The following EIF4G3 variants were observed in gnomAD, a reference collection of about 807,000 sequenced individuals.
The protein encoded by EIF4G3 is eukaryotic translation initiation factor 4 gamma 3, also known as eIF-4-gamma 3.
EIF4G3 carries 34 observed loss-of-function variants against 186.4 expected under a neutral mutation model. The observed-to-expected ratio is 0.18, with a 90% confidence interval of 0.14 to 0.24. The LOEUF (loss-of-function observed/expected upper bound fraction) is 0.24. Among genes scored for constraint, EIF4G3 ranks in the 10% least tolerant of loss-of-function variants. The probability of loss-of-function intolerance (pLI) is 1.00; values close to 1 mark genes in which losing one functional copy is unlikely to be tolerated. For synonymous variants in EIF4G3, 673 were observed against 679.5 expected (o/e 0.99, Z 0.15); for missense variants, 1,536 against 1,948.5 (o/e 0.79, Z 3.99).
chr1:20,980,385 G>C lies in EIF4G3; in HGVS notation c.442C>G (p.Pro148Ala). 5.2e-6 allele frequency: 8 copies of C among 1,548,654 alleles called. No individual in the cohort carries two copies. Among genetic ancestry groups the C allele is most frequent in the Non-Finnish European group, 6.9e-6 (8 of 1,158,776 alleles). ...PQQYPVQPPG[P>A]GPFYPGPGPG... ...CCTGGTCCAGGATAAAAAGGACCTG[G>C]CCCCGGTGGTTGAACTGGATATTGT... is the stretch of plus-strand genomic sequence containing the variant. The change falls in exon 10 of 37, where the codon CCA (proline) becomes GCA (alanine). Residue 148 changes from proline to alanine, a missense_variant. Around this residue, in one of 11 missense-constraint regions of EIF4G3, gnomAD observed 194 missense variants for 212.8 expected, o/e 0.91. Coordinates refer to ENST00000602326, the MANE Select transcript of EIF4G3 (RefSeq NM_001391906.1).
intron 3 of EIF4G3, among the ~76,000 whole-genome samples, chr1:21,080,274 C>T (rs574979444): frequency 1.9e-4 from 28 of 150,570 alleles, no homozygotes; most frequent in Non-Finnish European, 3.1e-4. Context: ...CATGATCGTG[C>T]GACTGCACTC....
intron 3 of EIF4G3, among the ~76,000 whole-genome samples, chr1:21,085,437 T>C (rs1368377820): frequency 6.6e-6 from 1 of 152,176 alleles, no homozygotes; most frequent in Non-Finnish European, 1.5e-5. Flanking sequence ...TTTGCTCTAC[T>C]GTCCAGGCTG....
At chr1:20,880,269 A>G (rs1172327122) in intron 19 of EIF4G3, among the ~76,000 whole-genome samples, 1 of 152,246 alleles carries the variant, frequency 6.6e-6, no homozygotes, top group Admixed American at 6.5e-5. Flanking sequence ...CAGAGAAGAT[A>G]TAATTGTCTA....
chr1:21,130,216 C>CTTTTTTTT lies in EIF4G3; in HGVS notation c.-271-41011_-271-41004dup, dbSNP rs71014159. ...CTGGGCAACACAGGAGACCCCATCT[C>CTTTTTTTT]TTTTTTTTTTTTTTTTTTTTTTTTT... On this transcript the variant is annotated intron_variant, in intron 2 of 36. Transcript: ENST00000602326. 4.0e-5 allele frequency among the ~76,000 whole-genome samples: 3 copies of CTTTTTTTT among 75,344 alleles called. 1 individual carries two copies. Among genetic ancestry groups the CTTTTTTTT allele is most frequent in the Admixed American group, 1.9e-4 (1 of 5,248 alleles). 49.4% of individuals were successfully genotyped at this position (75,344 alleles called of 152,430 possible). A position where few individuals can be genotyped will look rare whatever the true frequency, so the allele number is the denominator to read the frequency against.
At chr1:20,825,647 T>C (rs2063421993) in intron 32 of EIF4G3, among the ~76,000 whole-genome samples, 1 of 152,176 alleles carries the variant, frequency 6.6e-6, no homozygotes, top group Non-Finnish European at 1.5e-5. Context: ...TCAAAAAAAG[T>C]CCAATACACA....
intron 7 of EIF4G3, among the ~76,000 whole-genome samples, chr1:20,991,270 T>A (rs1025243749): frequency 2.0e-5 from 3 of 152,176 alleles, no homozygotes; most frequent in Non-Finnish European, 4.4e-5. Context: ...CTACTTGTAC[T>A]AAAAATTCAG....
At chr1:21,033,623 T>C (rs2092930118) in intron 4 of EIF4G3, among the ~76,000 whole-genome samples, 1 of 152,222 alleles carries the variant, frequency 6.6e-6, no homozygotes. Flanking sequence ...TAGTAAGTGA[T>C]AGAACTGTGA....
At chr1:20,873,138 C>T (rs989046660) in intron 20 of EIF4G3, among the ~76,000 whole-genome samples, 1 of 152,174 alleles carries the variant, frequency 6.6e-6, no homozygotes, top group Non-Finnish European at 1.5e-5. Flanking sequence ...CATTAAATAA[C>T]AAATCATGTA....
chr1:20,938,294 C>A (rs1272000575), intron 14 of EIF4G3, among the ~76,000 whole-genome samples: 3 of 152,308 alleles, frequency 2.0e-5, no homozygotes, highest in African/African-American at 7.2e-5. Context: ...CGCGCCCGGC[C>A]TCAACTGATG....
chr1:21,080,865 T>G, intron 3 of EIF4G3, among the ~76,000 whole-genome samples: 1 of 152,152 alleles, frequency 6.6e-6, no homozygotes, highest in East Asian at 1.9e-4. Flanking sequence ...GAATATAAAT[T>G]TCTCCTTCTT....
At position 20,806,735 on chromosome 1, in the gene EIF4G3, A is replaced by G. The variant is rs2058172188; in HGVS notation, c.*584T>C. 6.6e-6 allele frequency: 1 copy of G among 150,458 alleles called. No individual in the cohort carries two copies. The highest frequency in any genetic ancestry group is 1.5e-5 in the Non-Finnish European group (1 of 67,650). The allele number at this position is 150,458 out of a possible 1,614,324, so 9.3% of individuals were successfully genotyped here. ...CAATGTTATGTATGTTTTGATTACT[A>G]TTGTGATTTTTTAAATTTTCTGAAG... On this transcript the variant is annotated 3_prime_UTR_variant, in exon 37 of 37. Transcript: ENST00000602326.
At chr1:21,133,856 C>A (rs1206565555) in intron 2 of EIF4G3, among the ~76,000 whole-genome samples, 1 of 152,172 alleles carries the variant, frequency 6.6e-6, no homozygotes, top group Non-Finnish European at 1.5e-5. Flanking sequence ...TCCTAATAAT[C>A]TAAGTATTGT....
chr1:21,153,534 A>G (rs1254755833), intron 2 of EIF4G3, among the ~76,000 whole-genome samples: 3 of 152,164 alleles, frequency 2.0e-5, no homozygotes. Context: ...CAGCAGGTAC[A>G]GCAATTTGTG....
In EIF4G3 at chr1:21,148,382, T is replaced by C. The variant is rs113491149; in HGVS notation, c.-272+27793A>G. On this transcript the variant is annotated intron_variant, in intron 2 of 36. Coordinates refer to ENST00000602326, the MANE Select transcript of EIF4G3 (RefSeq NM_001391906.1). ...CCACCCTGCCTGGTCTCAGCATTCT[T>C]CTCAATAGCAAAACTGTTAACTTAA... Among the ~76,000 whole-genome samples, 534 of 152,034 alleles carry C rather than the reference T, an allele frequency of 3.5e-3. 5 individuals carry two copies. Among genetic ancestry groups the C allele is most frequent in the African/African-American group, 0.012 (504 of 41,500 alleles).
intron 6 of EIF4G3, among the ~76,000 whole-genome samples, chr1:21,000,337 G>C (rs1046466142): frequency 1.3e-5 from 2 of 152,082 alleles, no homozygotes; most frequent in Non-Finnish European, 2.9e-5. Context: ...GGATTGCAAA[G>C]GCAGCTGTCC....
chr1:20,912,601 C>T (rs532192050), intron 14 of EIF4G3, among the ~76,000 whole-genome samples: 2 of 152,280 alleles, frequency 1.3e-5, no homozygotes, highest in South Asian at 2.1e-4. Flanking sequence ...GGAACAGCCC[C>T]GGTGCATTGC....
At position 20,977,258 on chromosome 1, in the gene EIF4G3, C is replaced by T. The variant is rs376854814; in HGVS notation, c.493+3076G>A. On this transcript the variant is annotated intron_variant, in intron 10 of 36. Transcript: ENST00000602326. ...TTGGAGTGCAGGGGCATGATCTCTGCCCACTGCAACCTCCGCCTCCTGGGT... is the reference window on the plus strand; with the variant it reads ...TTGGAGTGCAGGGGCATGATCTCTGTCCACTGCAACCTCCGCCTCCTGGGT... Among the ~76,000 whole-genome samples, 94 of 152,092 alleles carry T rather than the reference C, an allele frequency of 6.2e-4. 1 individual carries two copies. The South Asian group carries it at 0.019, about 30-fold the overall frequency.
At chr1:21,012,002 C>A (rs1186586859) in intron 4 of EIF4G3, among the ~76,000 whole-genome samples, 1 of 152,104 alleles carries the variant, frequency 6.6e-6, no homozygotes, top group Non-Finnish European at 1.5e-5. Context: ...ATACAATGCA[C>A]ATAGGATTGA....
intron 33 of EIF4G3, among the ~76,000 whole-genome samples, chr1:20,817,919 GCCCT>G (rs751922543): frequency 3.0e-4 from 46 of 151,930 alleles, no homozygotes; most frequent in Non-Finnish European, 6.2e-4. Flanking sequence ...CAAGCAATCC[GCCCT>G]CCTTGGCCTC....
Sources: gnomAD v4.1 joint callset for allele counts (sites outside exome capture counted in the v4.1 genomes callset) on GRCh38, gnomAD v4.1.1 for gene constraint, gnomAD v4.1.1 regional missense constraint, MANE v1.5 for transcripts, NCBI Gene and HGNC (gene_info 2026-07-23, HGNC 2026-07-21) for gene names.